The following SRD5A2 variants were observed in gnomAD, a reference collection of about 807,000 sequenced individuals.
SRD5A2 encodes 3-oxo-5-alpha-steroid 4-dehydrogenase 2.
SRD5A2 carries 30 observed loss-of-function variants against 27.4 expected under a neutral mutation model. The observed-to-expected ratio is 1.10, with a 90% CI of 0.82 to 1.49. SRD5A2 has a LOEUF of 1.49. SRD5A2 is among the 40% of genes most tolerant of loss of function. SRD5A2 has a pLI of 0.00. For synonymous variants in SRD5A2, 141 were observed against 133.6 expected, an observed-to-expected ratio of 1.06 and a Z score of -0.38; for missense variants, 348 against 323.4, an observed-to-expected ratio of 1.08 and a Z score of -0.58.
chr2:31,604,327 A>C, the SRD5A2 span, among the ~76,000 whole-genome samples: 1 of 151,868 alleles, frequency 6.6e-6, no homozygotes, highest in East Asian at 1.9e-4. Flanking sequence ...TCCAAATTGA[A>C]AAGGAAGAAG....
intron 1 of SRD5A2, among the ~76,000 whole-genome samples, chr2:31,535,929 A>G (rs558619393): frequency 6.6e-6 from 1 of 152,354 alleles, no homozygotes; most frequent in East Asian, 1.9e-4. Context: ...TCACTATTTC[A>G]TAACTCTGTG....
chr2:31,568,555 C>T (rs1478510122), intron 1 of SRD5A2, among the ~76,000 whole-genome samples: 1 of 152,112 alleles, frequency 6.6e-6, no homozygotes, highest in Non-Finnish European at 1.5e-5. Context: ...CCACCATGAG[C>T]AGGTTCAGAA....
the SRD5A2 span, among the ~76,000 whole-genome samples, chr2:31,660,556 A>T: frequency 6.6e-6 from 1 of 152,186 alleles, no homozygotes; most frequent in Non-Finnish European, 1.5e-5. Flanking sequence ...ATGTAAGTTC[A>T]TCAATTGTTA....
At chr2:31,561,972 T>C (rs374949021) in intron 1 of SRD5A2, among the ~76,000 whole-genome samples, 2 of 152,318 alleles carry the variant, frequency 1.3e-5, no homozygotes, top group South Asian at 2.1e-4. Flanking sequence ...TCATGCTAAC[T>C]GATTATTACA....
At chr2:31,574,926 T>C (rs1666925924) in intron 1 of SRD5A2, among the ~76,000 whole-genome samples, 2 of 152,236 alleles carry the variant, frequency 1.3e-5, no homozygotes, top group African/African-American at 2.4e-5. Flanking sequence ...ATAATGTCTG[T>C]AGCTGCTTTC....
chr2:31,590,884 T>C, the SRD5A2 span, among the ~76,000 whole-genome samples: 7 of 152,328 alleles, frequency 4.6e-5, no homozygotes, highest in South Asian at 1.4e-3. Flanking sequence ...GCTAGCCATA[T>C]GTTGAAAGCT....
intron 1 of SRD5A2, among the ~76,000 whole-genome samples, chr2:31,561,261 G>T (rs1004353599): frequency 1.3e-5 from 2 of 152,024 alleles, no homozygotes; most frequent in Non-Finnish European, 2.9e-5. Flanking sequence ...CAGTTTTCAG[G>T]CTCCAAGACT....
chr2:31,654,840 C>T, the SRD5A2 span, among the ~76,000 whole-genome samples: 1 of 152,180 alleles, frequency 6.6e-6, no homozygotes, highest in African/African-American at 2.4e-5. Context: ...GCTAAATCCT[C>T]TTCTCTGGTC....
At chr2:31,619,973 G>C in the SRD5A2 span, among the ~76,000 whole-genome samples, 1 of 152,026 alleles carries the variant, frequency 6.6e-6, no homozygotes, top group African/African-American at 2.4e-5. Context: ...TTTTGTTCTT[G>C]TTACAATTGC....
the SRD5A2 span, among the ~76,000 whole-genome samples, chr2:31,623,771 T>A: frequency 6.6e-6 from 1 of 152,118 alleles, no homozygotes; most frequent in African/African-American, 2.4e-5. Flanking sequence ...TTTAGAGGTA[T>A]GTTCCTTCAA....
chr2:31,561,154 T>C (rs759857578), intron 1 of SRD5A2, among the ~76,000 whole-genome samples: 2 of 152,056 alleles, frequency 1.3e-5, no homozygotes, highest in Non-Finnish European at 2.9e-5. Context: ...TCAATAATAA[T>C]GCAATGAGAT....
chr2:31,642,829 A>T, the SRD5A2 span, among the ~76,000 whole-genome samples: 1 of 152,036 alleles, frequency 6.6e-6, no homozygotes, highest in Admixed American at 6.6e-5. Flanking sequence ...ACTTAGCCAA[A>T]CTACTACTCA....
the SRD5A2 span, among the ~76,000 whole-genome samples, chr2:31,633,066 G>A: frequency 3.3e-5 from 5 of 151,960 alleles, no homozygotes; most frequent in East Asian, 1.9e-4. Flanking sequence ...GAAGGGAACC[G>A]CCAAGCAGAT....
At chr2:31,543,179 G>A (rs1666174074) in intron 1 of SRD5A2, among the ~76,000 whole-genome samples, 1 of 152,152 alleles carries the variant, frequency 6.6e-6, no homozygotes, top group South Asian at 2.1e-4. Flanking sequence ...AAAAGAAACT[G>A]TCAAGCAAGA....
intron 1 of SRD5A2, among the ~76,000 whole-genome samples, chr2:31,534,516 C>A (rs1234866695): frequency 6.6e-6 from 1 of 152,200 alleles, no homozygotes; most frequent in Non-Finnish European, 1.5e-5. Flanking sequence ...CCTATACACA[C>A]AATTGGATCT....
the SRD5A2 span, among the ~76,000 whole-genome samples, chr2:31,653,106 T>G: frequency 3.9e-5 from 6 of 152,108 alleles, no homozygotes; most frequent in Non-Finnish European, 5.9e-5. Flanking sequence ...AAATAGTCAT[T>G]TCCTCACCCC....
intron 1 of SRD5A2, chr2:31,562,952 AC>A (rs1017875420): frequency 6.6e-6 from 1 of 152,124 alleles, no homozygotes; most frequent in African/African-American, 2.4e-5. Context: ...TTTGGACCAA[AC>A]AAAAAAAGAA....
chr2:31,657,851 G>A, the SRD5A2 span, among the ~76,000 whole-genome samples: 1 of 152,094 alleles, frequency 6.6e-6, no homozygotes, highest in African/African-American at 2.4e-5. Flanking sequence ...AAGAGTGTGT[G>A]GGGGTGGGAA....
chr2:31,533,410 C>T (rs138682100), intron 2 of SRD5A2, among the ~76,000 whole-genome samples, 193 bp downstream of exon 2: 33 of 152,170 alleles, frequency 2.2e-4, no homozygotes, highest in Admixed American at 1.8e-3. Flanking sequence ...GAGAGTTTTG[C>T]GATGGGAAAT....
Sources: allele counts gnomAD v4.1 joint callset (sites outside exome capture counted in the v4.1 genomes callset), GRCh38; gene constraint gnomAD v4.1.1; transcripts MANE v1.5; gene names NCBI Gene and HGNC (gene_info 2026-07-23, HGNC 2026-07-21).